Variants in NBEA observed in about 807,000 individuals in gnomAD.
The protein encoded by NBEA is neurobeachin.
NBEA carries 44 observed loss-of-function variants against 343.4 expected under a neutral mutation model. That is an observed-to-expected ratio of 0.13 (90% CI 0.10 to 0.16). The LOEUF is 0.16. Among genes scored for constraint, NBEA ranks in the 10% least tolerant of loss-of-function variants. The pLI, the probability that NBEA is intolerant of heterozygous loss-of-function variation, is 1.00. For synonymous variants in NBEA, 1,175 were observed against 1,238.7 expected, an observed-to-expected ratio of 0.95 and a Z score of 1.08; for missense variants, 2,555 against 3,631.3, an observed-to-expected ratio of 0.70 and a Z score of 7.62.
intron 34 of NBEA, among the ~76,000 whole-genome samples, chr13:35,247,376 C>T (rs1471495495): frequency 6.6e-6 from 1 of 152,156 alleles, no homozygotes. Context: ...TTCCCAGTTC[C>T]TCTGGCAGCC....
At chr13:35,113,042 G>A (rs1489370652) in intron 13 of NBEA, among the ~76,000 whole-genome samples, 2 of 152,086 alleles carry the variant, frequency 1.3e-5, no homozygotes, top group Non-Finnish European at 2.9e-5. Context: ...GTTGAGGATC[G>A]TATGTTGTGC....
At chr13:35,346,687 C>A (rs935103340) in intron 36 of NBEA, among the ~76,000 whole-genome samples, 2 of 152,094 alleles carry the variant, frequency 1.3e-5, no homozygotes, top group Non-Finnish European at 1.5e-5. Flanking sequence ...CTGCTCCATG[C>A]TTCTAGGAAA....
intron 8 of NBEA, among the ~76,000 whole-genome samples, chr13:35,069,238 G>C (rs1318192558): frequency 6.6e-6 from 1 of 151,978 alleles, no homozygotes; most frequent in Non-Finnish European, 1.5e-5. Flanking sequence ...TTATTGCAAA[G>C]GTTAAATATT....
intron 43 of NBEA, among the ~76,000 whole-genome samples, chr13:35,553,400 G>T (rs528513756): frequency 6.6e-6 from 1 of 152,088 alleles, no homozygotes; most frequent in African/African-American, 2.4e-5. Flanking sequence ...ATCCTTAGAA[G>T]TACCAAGTGG....
intron 49 of NBEA, among the ~76,000 whole-genome samples, chr13:35,636,147 A>C (rs1384456178): frequency 6.6e-6 from 1 of 152,232 alleles, no homozygotes; most frequent in Non-Finnish European, 1.5e-5. Context: ...TCTATAACAC[A>C]GTTGTTACCT....
Position 35,164,347 on chromosome 13 carries a change from G to A in NBEA, c.4080-9G>A, listed in dbSNP as rs1056093290. 6 of 1,565,206 alleles carry A rather than the reference G, an allele frequency of 3.8e-6. No individual in the cohort carries two copies. Among genetic ancestry groups the A allele is most frequent in the African/African-American group, 1.4e-5 (1 of 73,848 alleles). The stretch of plus-strand genomic sequence containing the variant: ...CAAAACATACTCATTTCTGTTTTCT[G>A]TATTTTAGCCATTCTACAAAGTCTG... On this transcript the variant is annotated splice_polypyrimidine_tract_variant and intron_variant, in intron 23 of 58. Coordinates refer to ENST00000379939, the MANE Select transcript of NBEA (RefSeq NM_001385012.1).
intron 30 of NBEA, chr13:35,186,734 A>C (rs1229821673): frequency 2.0e-5 from 3 of 152,158 alleles, no homozygotes. Context: ...TCATATAGGC[A>C]TTTGGGACGT....
chr13:35,411,972 T>C (rs2043615397), intron 38 of NBEA, among the ~76,000 whole-genome samples: 1 of 152,134 alleles, frequency 6.6e-6, no homozygotes, highest in Non-Finnish European at 1.5e-5. Context: ...CTTAGTTCAG[T>C]TGTAGCAGCA....
At chr13:35,408,159 A>G (rs7337665) in intron 38 of NBEA, among the ~76,000 whole-genome samples, 82,751 of 151,990 alleles carry the variant, frequency 0.54, 24,698 homozygotes, top group South Asian at 0.68. Context: ...ACAAAAACAG[A>G]CACATAGACC....
intron 1 of NBEA, among the ~76,000 whole-genome samples, chr13:35,032,103 G>A (rs1466917878): frequency 6.6e-6 from 1 of 151,542 alleles, no homozygotes; most frequent in Admixed American, 6.6e-5. Context: ...TAGTACTACA[G>A]TGAACATTTA....
chr13:35,337,712 A>G (rs1719970468), intron 36 of NBEA, among the ~76,000 whole-genome samples: 1 of 152,094 alleles, frequency 6.6e-6, no homozygotes, highest in Non-Finnish European at 1.5e-5. Flanking sequence ...TGTAGGACAG[A>G]CCATATGTGG....
At chr13:35,296,248 G>A (rs2036120455) in intron 35 of NBEA, among the ~76,000 whole-genome samples, 1 of 151,974 alleles carries the variant, frequency 6.6e-6, no homozygotes, top group South Asian at 2.1e-4. Flanking sequence ...GGGCATGGTG[G>A]TGGGCACCTG....
intron 34 of NBEA, among the ~76,000 whole-genome samples, chr13:35,239,831 T>C (rs1158631184): frequency 7.2e-6 from 1 of 138,776 alleles, no homozygotes; most frequent in Non-Finnish European, 1.6e-5. Context: ...ACTGGGACTT[T>C]ATCATAGAGA....
chr13:35,546,345 GTT>G (rs1467550033), intron 41 of NBEA, among the ~76,000 whole-genome samples: 3 of 151,920 alleles, frequency 2.0e-5, no homozygotes, highest in Non-Finnish European at 4.4e-5. Flanking sequence ...CACGCCTGTA[GTT>G]CCAGCTACTC....
intron 33 of NBEA, among the ~76,000 whole-genome samples, chr13:35,224,555 T>C (rs762787867): frequency 1.7e-4 from 26 of 152,300 alleles, no homozygotes; most frequent in Middle Eastern, 3.4e-3. Context: ...ATAAGTCCAT[T>C]GAAGGCATAT....
chr13:35,131,122 A>G (rs550492126), intron 17 of NBEA, among the ~76,000 whole-genome samples: 19 of 152,276 alleles, frequency 1.2e-4, no homozygotes, highest in African/African-American at 4.3e-4. Flanking sequence ...GCAGAAGTGA[A>G]TGAAACAGAA....
At chr13:35,455,687 G>C (rs962643545) in intron 40 of NBEA, among the ~76,000 whole-genome samples, 1 of 152,076 alleles carries the variant, frequency 6.6e-6, no homozygotes. Flanking sequence ...CTTAGGGTTA[G>C]GGTTAGTGTT....
intron 8 of NBEA, among the ~76,000 whole-genome samples, chr13:35,065,040 A>G (rs2063599987): frequency 6.6e-6 from 1 of 150,732 alleles, no homozygotes; most frequent in Admixed American, 6.7e-5. Flanking sequence ...TTACTTAATC[A>G]TAGTTCTATA....
intron 36 of NBEA, among the ~76,000 whole-genome samples, chr13:35,336,279 T>C (rs1171173995): frequency 6.6e-6 from 1 of 151,956 alleles, no homozygotes; most frequent in Non-Finnish European, 1.5e-5. Flanking sequence ...GGAGACAAAT[T>C]AAAAAGTACG....
Sources: gnomAD v4.1 joint callset for allele counts (sites outside exome capture counted in the v4.1 genomes callset) on GRCh38, gnomAD v4.1.1 for gene constraint, MANE v1.5 for transcripts, NCBI Gene and HGNC (gene_info 2026-07-23, HGNC 2026-07-21) for gene names.